TBX15: variants seen among roughly 807,000 people sequenced by gnomAD.
The protein encoded by TBX15 is T-box transcription factor 15, also known as T-box transcription factor TBX15.
Under a neutral mutation model 53.9 loss-of-function variants are expected in TBX15, and 18 were observed. The ratio of observed to expected loss-of-function variants is 0.33; its 90% CI spans 0.23 to 0.49. The LOEUF is 0.49. Ranked by LOEUF, TBX15 falls within the 20% of genes least tolerant of loss-of-function variation. TBX15 has a pLI of 0.98. For missense variants in TBX15, 692 were observed against 749.5 expected (o/e 0.92, Z 0.90); for synonymous variants, 295 against 278.0 (o/e 1.06, Z -0.61).
At chr1:118,891,522 C>T (rs1294142911) in intron 7 of TBX15, among the ~76,000 whole-genome samples, 1 of 152,174 alleles carries the variant, frequency 6.6e-6, no homozygotes, top group Non-Finnish European at 1.5e-5. Flanking sequence ...TGCCTTAGCC[C>T]TACCTTCAGG....
chr1:118,907,785 T>C (rs555923183), intron 6 of TBX15, among the ~76,000 whole-genome samples: 1 of 152,274 alleles, frequency 6.6e-6, no homozygotes, highest in Admixed American at 6.5e-5. Flanking sequence ...TAATTTTACC[T>C]CTTGGTTCAC....
intron 2 of TBX15, among the ~76,000 whole-genome samples, chr1:118,929,697 A>G (rs1655717395): frequency 6.6e-6 from 1 of 152,244 alleles, no homozygotes; most frequent in African/African-American, 2.4e-5. Context: ...GAATTACAAA[A>G]TGAGTCACAA....
chr1:118,920,769 G>A (rs1655399375), intron 5 of TBX15, among the ~76,000 whole-genome samples: 1 of 152,272 alleles, frequency 6.6e-6, no homozygotes, highest in South Asian at 2.1e-4. Context: ...CAGAACAAGG[G>A]CAAAATCAAT....
At chr1:118,984,937 G>A (rs1156286539) in intron 1 of TBX15, among the ~76,000 whole-genome samples, 1 of 152,152 alleles carries the variant, frequency 6.6e-6, no homozygotes, top group African/African-American at 2.4e-5. Flanking sequence ...AGAAAAATGG[G>A]CTGTGAAAAA....
At chr1:118,985,706 C>A (rs12408387) in intron 1 of TBX15, among the ~76,000 whole-genome samples, 48,432 of 152,110 alleles carry the variant, frequency 0.32, 8,127 homozygotes, top group East Asian at 0.59. Context: ...CCATCTTTTT[C>A]TTTTTTAAAA....
chr1:118,949,152 A>G (rs993694232), intron 1 of TBX15, among the ~76,000 whole-genome samples: 2 of 152,188 alleles, frequency 1.3e-5, no homozygotes, highest in Non-Finnish European at 2.9e-5. Context: ...TTTCATGGAC[A>G]CAGGAGTCAG....
intron 1 of TBX15, among the ~76,000 whole-genome samples, chr1:118,965,358 A>G (rs917454848): frequency 2.6e-5 from 4 of 152,228 alleles, no homozygotes; most frequent in African/African-American, 9.6e-5. Context: ...AGAATTTATG[A>G]TGAAATCAAT....
chr1:118,923,829 AAT>A (rs1351722954), intron 4 of TBX15, among the ~76,000 whole-genome samples: 1 of 152,206 alleles, frequency 6.6e-6, no homozygotes. Flanking sequence ...TGGTAAAAGT[AAT>A]ATGTTTGCTT....
chr1:118,903,812 A>G (rs1349625974), intron 6 of TBX15, among the ~76,000 whole-genome samples: 5 of 152,186 alleles, frequency 3.3e-5, no homozygotes, highest in African/African-American at 1.2e-4. Flanking sequence ...TTAAAAAAGG[A>G]ACAAGATATA....
chr1:118,982,908 A>G (rs1657694806), intron 1 of TBX15, among the ~76,000 whole-genome samples: 1 of 152,194 alleles, frequency 6.6e-6, no homozygotes, highest in South Asian at 2.1e-4. Flanking sequence ...GAGCCCAAAT[A>G]TAGTGCTCAG....
At chr1:118,924,361 T>C (rs1456308533) in intron 4 of TBX15, among the ~76,000 whole-genome samples, 1 of 152,244 alleles carries the variant, frequency 6.6e-6, no homozygotes, top group East Asian at 1.9e-4. Context: ...GGTTGATTTG[T>C]CTTGTTTTGC....
rs555676876 is a variant in TBX15 at position 118,983,239 on chromosome 1, A to G, written c.205+4352T>C. ...TTTACCTTCCTCCCTATCACAGTCC[A>G]AACTCTACATCTGGGTTTTCCCATT... On this transcript the variant is annotated intron_variant, in intron 1 of 7. Coordinates refer to ENST00000369429, the MANE Select transcript of TBX15 (RefSeq NM_001330677.2). 5.3e-5 allele frequency among the ~76,000 whole-genome samples: 8 copies of G among 152,318 alleles called. No individual in the cohort carries two copies. In the South Asian group the frequency reaches 1.7e-3, roughly 32 times the overall value.
chr1:118,949,234 A>G (rs1281995898), intron 1 of TBX15, among the ~76,000 whole-genome samples: 2 of 152,258 alleles, frequency 1.3e-5, no homozygotes, highest in African/African-American at 4.8e-5. Flanking sequence ...GCTGCTGTGC[A>G]TGAATTGTCA....
At chr1:118,894,542 A>C (rs1654354381) in intron 7 of TBX15, among the ~76,000 whole-genome samples, 1 of 152,178 alleles carries the variant, frequency 6.6e-6, no homozygotes, top group African/African-American at 2.4e-5. Context: ...TTGGAAGAAA[A>C]TGTAGAAACT....
rs951480480 is a variant in TBX15 at position 118,924,715 on chromosome 1, G to T, written c.624C>A (p.Thr208=). ...CAAAACTGACCACCTGTCTCATCCA[G>T]GTGTCTCCAGAAGCTAGAGAATCAG... ...IHPDSLASGD[T]WMRQVVSFDK... is the part of the protein sequence containing the mutation. The change falls in exon 4 of 8, where the codon ACC becomes ACA. Residue 208 remains threonine, a synonymous_variant. Transcript: ENST00000369429. 3 of 1,614,046 alleles carry T rather than the reference G, an allele frequency of 1.9e-6. No individual in the cohort carries two copies. In the African/African-American group the frequency reaches 4.0e-5, roughly 22 times the overall value.
intron 1 of TBX15, 83 bp from the exon 2 acceptor site, chr1:118,931,915 G>T: frequency 1.5e-6 from 2 of 1,372,310 alleles, no homozygotes; most frequent in Non-Finnish European, 2.0e-6. Flanking sequence ...GGTGGGAAAT[G>T]CAATGAAGTG....
intron 7 of TBX15, among the ~76,000 whole-genome samples, chr1:118,886,016 G>A (rs1653930545): frequency 2.6e-5 from 4 of 152,188 alleles, no homozygotes; most frequent in South Asian, 4.1e-4. Context: ...GGACACCAAC[G>A]CGGGACCCTA....
At chr1:118,977,458 A>T (rs1451763344) in intron 1 of TBX15, among the ~76,000 whole-genome samples, 4 of 152,212 alleles carry the variant, frequency 2.6e-5, no homozygotes, top group African/African-American at 9.6e-5. Flanking sequence ...GGAGATACAA[A>T]AACAATGAGG....
chr1:118,953,886 G>A (rs994124787), intron 1 of TBX15, among the ~76,000 whole-genome samples: 8 of 152,164 alleles, frequency 5.3e-5, no homozygotes, highest in African/African-American at 1.9e-4. Flanking sequence ...ATTTGAGGAG[G>A]CAGTGAACTT....
Sources: gnomAD v4.1 joint callset for allele counts (sites outside exome capture counted in the v4.1 genomes callset) on GRCh38, gnomAD v4.1.1 for gene constraint, MANE v1.5 for transcripts, NCBI Gene and HGNC (gene_info 2026-07-23, HGNC 2026-07-21) for gene names.